FRRS1: variants seen among roughly 807,000 people sequenced by gnomAD.
The protein encoded by FRRS1 is ferric chelate reductase 1.
Under a neutral mutation model 70.7 loss-of-function variants are expected in FRRS1, and 51 were observed. The ratio of observed to expected loss-of-function variants is 0.72; its 90% confidence interval spans 0.58 to 0.91. The LOEUF is 0.91. Among genes scored for constraint, FRRS1 ranks in the 40% least tolerant of loss-of-function variants. The pLI, the probability that FRRS1 is intolerant of heterozygous loss-of-function variation, is 0.00. For synonymous variants in FRRS1, 225 were observed against 238.7 expected, an observed-to-expected ratio of 0.94 and a Z score of 0.53; for missense variants, 672 against 726.0, an observed-to-expected ratio of 0.93 and a Z score of 0.86.
At chr1:99,762,093 C>G (rs1187253518) in intron 1 of FRRS1, among the ~76,000 whole-genome samples, 1 of 152,116 alleles carries the variant, frequency 6.6e-6, no homozygotes, top group Non-Finnish European at 1.5e-5. Flanking sequence ...CCAAACTATC[C>G]ATAGCTTCAA....
At position 99,712,417 on chromosome 1, in the gene FRRS1, C is replaced by T. The variant is rs1654311726; in HGVS notation, c.1421+1G>A. On this transcript the variant is annotated splice_donor_variant, in intron 13 of 16. Transcript: ENST00000646001. LOFTEE classifies it high-confidence loss of function. ...CATTTATATAGAAAGGCTCTAAGTA[C>T]CTTGGGTCATGTAAAGGTGGCCTGA... 10 of 1,593,910 alleles carry T rather than the reference C, an allele frequency of 6.3e-6. No homozygotes were observed. In the East Asian group the frequency reaches 1.1e-4, roughly 18 times the overall value.
At chr1:99,729,146 A>G (rs1466415874) in intron 8 of FRRS1, among the ~76,000 whole-genome samples, 1 of 152,248 alleles carries the variant, frequency 6.6e-6, no homozygotes, top group Non-Finnish European at 1.5e-5. Flanking sequence ...CTGCTCTTTC[A>G]GAGCTCATTT....
chr1:99,709,305 G>A (rs1654167246), intron 15 of FRRS1, 46 bp from the exon 16 acceptor site: 1 of 1,372,532 alleles, frequency 7.3e-7, no homozygotes, highest in Non-Finnish European at 1.0e-6. Context: ...CGTTATGCAG[G>A]TAAATTAAAT....
At chr1:99,763,489 G>A (rs1429245218) in intron 1 of FRRS1, among the ~76,000 whole-genome samples, 1 of 152,096 alleles carries the variant, frequency 6.6e-6, no homozygotes, top group Admixed American at 6.6e-5. Flanking sequence ...CAGGGACAAT[G>A]GTAAACTGTC....
rs1455287369 is a variant in FRRS1, at chr1:99,707,371, A to G, written c.*1657T>C. ...GCCAAGCAGAAACTATAACATAATC[A>G]GAAAGAATACCTAAAGAAATAAAGT... On this transcript the variant is annotated 3_prime_UTR_variant, in exon 17 of 17. Coordinates refer to ENST00000646001, the MANE Select transcript of FRRS1 (RefSeq NM_001361041.2). Among the ~76,000 whole-genome samples, 1 of 152,162 alleles carries G rather than the reference A, an allele frequency of 6.6e-6. No homozygotes were observed. The highest frequency in any genetic ancestry group is 2.4e-5 in the African/African-American group (1 of 41,458).
At chr1:99,737,750 G>GA (rs1341338000) in intron 7 of FRRS1, among the ~76,000 whole-genome samples, 2 of 152,010 alleles carry the variant, frequency 1.3e-5, no homozygotes, top group African/African-American at 2.4e-5. Flanking sequence ...TTTGTTTTGG[G>GA]GGGGTTTTTT....
chr1:99,752,852 C>G (rs1241157563), intron 1 of FRRS1, among the ~76,000 whole-genome samples: 2 of 152,144 alleles, frequency 1.3e-5, no homozygotes, highest in Non-Finnish European at 2.9e-5. Flanking sequence ...ATGGTGCCAA[C>G]AGACTTGCTC....
intron 9 of FRRS1, among the ~76,000 whole-genome samples, chr1:99,720,063 T>G (rs1571104403): frequency 6.6e-6 from 1 of 152,154 alleles, no homozygotes; most frequent in Non-Finnish European, 1.5e-5. Context: ...GCATATAAAA[T>G]CCTAGAATAA....
chr1:99,747,130 G>A (rs1431509003), intron 4 of FRRS1, among the ~76,000 whole-genome samples, 164 bp downstream of exon 4: 1 of 152,062 alleles, frequency 6.6e-6, no homozygotes, highest in Non-Finnish European at 1.5e-5. Flanking sequence ...CAAAATATGT[G>A]TTAATCAACT....
At chr1:99,731,525 A>T (rs1655385375) in intron 7 of FRRS1, among the ~76,000 whole-genome samples, 1 of 152,220 alleles carries the variant, frequency 6.6e-6, no homozygotes, top group South Asian at 2.1e-4. Context: ...GGAGTCAACA[A>T]ACCATGGCCA....
chr1:99,726,092 TG>T (rs1159380385), intron 9 of FRRS1, among the ~76,000 whole-genome samples: 3 of 152,294 alleles, frequency 2.0e-5, no homozygotes, highest in African/African-American at 7.2e-5. Context: ...GATTGAATCA[TG>T]GGGGAACACT....
At chr1:99,746,801 A>G (rs1336980703) in intron 4 of FRRS1, among the ~76,000 whole-genome samples, 1 of 152,258 alleles carries the variant, frequency 6.6e-6, no homozygotes, top group Non-Finnish European at 1.5e-5. Context: ...GGTACCATAT[A>G]GAAACATTTT....
At chr1:99,747,702 T>A (rs1571145391) in intron 3 of FRRS1, 6 of 311,392 alleles carry the variant, frequency 1.9e-5, no homozygotes, top group Non-Finnish European at 1.2e-5. Flanking sequence ...TAAGGCTAAG[T>A]TAGTTTGGAA....
At chr1:99,760,681 G>T (rs1213134070) in intron 1 of FRRS1, among the ~76,000 whole-genome samples, 1 of 151,954 alleles carries the variant, frequency 6.6e-6, no homozygotes, top group East Asian at 1.9e-4. Context: ...ATGGAGTCTC[G>T]CTCTGTCGCC....
rs781377027 is a variant in FRRS1, at chr1:99,710,820, C to A, written c.1610G>T (p.Arg537Leu). 2 of 1,613,586 alleles carry A rather than the reference C, an allele frequency of 1.2e-6. No homozygotes were observed. Among genetic ancestry groups the A allele is most frequent in the Non-Finnish European group, 1.7e-6 (2 of 1,179,828 alleles). ...TEVVLEVHAY[R>L]LSRKVEILDD... ...TACCAGGTTACCTTTGCGAGAGAGC[C>A]GATAAGCATGTACCTCCAGAACAAC... The change falls in exon 15 of 17, where the codon CGG (arginine) becomes CTG (leucine). Residue 537 changes from arginine (R) to leucine (L), a missense_variant. Transcript: ENST00000646001.
chr1:99,732,080 C>A (rs111424631), intron 7 of FRRS1, among the ~76,000 whole-genome samples: 196 of 152,258 alleles, frequency 1.3e-3, no homozygotes, highest in African/African-American at 4.5e-3. Context: ...TTGAGGCAAA[C>A]TGAGGATGAG....
intron 6 of FRRS1, 104 bp downstream of exon 6, chr1:99,740,689 T>C: frequency 1.3e-6 from 1 of 766,820 alleles, no homozygotes; most frequent in South Asian, 1.6e-5. Context: ...CCAAGCACTT[T>C]GTGACTCCAA....
chr1:99,730,692 C>T (rs865797963), intron 7 of FRRS1, among the ~76,000 whole-genome samples: 2 of 152,024 alleles, frequency 1.3e-5, no homozygotes, highest in African/African-American at 2.4e-5. Context: ...ATGGTGAAAC[C>T]CCGTCTCTAC....
intron 9 of FRRS1, among the ~76,000 whole-genome samples, chr1:99,727,076 G>A (rs181026690): frequency 2.0e-5 from 3 of 152,222 alleles, no homozygotes; most frequent in Admixed American, 6.5e-5. Flanking sequence ...CAACTGCACC[G>A]TTTACTTGTC....
Sources: gnomAD v4.1 joint callset for allele counts (sites outside exome capture counted in the v4.1 genomes callset) on GRCh38, gnomAD v4.1.1 for gene constraint, MANE v1.5 for transcripts, NCBI Gene and HGNC (gene_info 2026-07-23, HGNC 2026-07-21) for gene names.